BIN1: variants seen among roughly 807,000 people sequenced by gnomAD.
BIN1 encodes the protein bridging integrator 1, also known as myc box-dependent-interacting protein 1.
Under a neutral mutation model 82.0 loss-of-function variants are expected in BIN1, and 53 were observed. The ratio of observed to expected loss-of-function variants is 0.65; its 90% CI spans 0.52 to 0.81. The LOEUF is 0.81. Among genes scored for constraint, BIN1 ranks in the 40% least tolerant of loss-of-function variants. The pLI is 0.00. For missense variants in BIN1, 642 were observed against 784.4 expected (o/e 0.82, Z 2.17); for synonymous variants, 302 against 328.0 (o/e 0.92, Z 0.86).
intron 10 of BIN1, chr2:127,060,509 G>A (rs1168828314): frequency 1.9e-6 from 3 of 1,579,198 alleles, no homozygotes; most frequent in East Asian, 4.5e-5. Flanking sequence ...CGGGTTAGTG[G>A]CACCTGGGAG....
intron 1 of BIN1, among the ~76,000 whole-genome samples, chr2:127,097,528 G>C (rs932965915): frequency 8.5e-5 from 13 of 152,102 alleles, no homozygotes; most frequent in African/African-American, 3.1e-4. Flanking sequence ...CCCTTCCAGC[G>C]ACAGGTGTCA....
At chr2:127,060,636 T>C (rs1290719517) in intron 10 of BIN1, 3 of 1,614,098 alleles carry the variant, frequency 1.9e-6, no homozygotes, top group Non-Finnish European at 2.5e-6. Context: ...AGTTTACTTT[T>C]CTTTCTGTGG....
At chr2:127,055,056 C>A (rs77696070) in intron 12 of BIN1, 16,397 of 152,338 alleles carry the variant, frequency 0.11, 992 homozygotes, top group South Asian at 0.19. Context: ...GGGACGTGGC[C>A]GGGGTGCTCC....
At position 127,052,200 on chromosome 2, in the gene BIN1, C is replaced by T. The variant is rs1269481319; in HGVS notation, c.1371+55G>A. 4 of 1,515,208 alleles carry T rather than the reference C, an allele frequency of 2.6e-6. No homozygotes were observed. In the Admixed American group the frequency reaches 7.8e-5, roughly 30 times the overall value. The allele number at this position is 1,515,208 out of a possible 1,614,324, so 93.9% of individuals were successfully genotyped here. Reference sequence around the variant, plus strand: ...CCCTCCTCGGGGCTCTCCTTCCATGCTGCACCCCTAGAGACTGGGGACAAG... The same window carrying T: ...CCCTCCTCGGGGCTCTCCTTCCATGTTGCACCCCTAGAGACTGGGGACAAG... On this transcript the variant is annotated intron_variant, in intron 15 of 18. Coordinates refer to ENST00000316724, the MANE Select transcript of BIN1 (RefSeq NM_139343.3).
intron 1 of BIN1, among the ~76,000 whole-genome samples, chr2:127,106,637 C>T (rs1681166557): frequency 6.6e-6 from 1 of 152,178 alleles, no homozygotes; most frequent in African/African-American, 2.4e-5. Context: ...TGTCCTGCCC[C>T]GGCCGGGTGT....
At position 127,068,075 on chromosome 2, in the gene BIN1, T is replaced by A. The variant is rs1685371271; in HGVS notation, c.612+88A>T. The A allele has an allele frequency of 7.4e-7, 1 of 1,359,498 alleles. No homozygotes were observed. 84.2% of individuals were successfully genotyped at this position (1,359,498 alleles called of 1,614,324 possible). On this transcript the variant is annotated intron_variant, in intron 7 of 18. Transcript: ENST00000316724. The surrounding 1 kb of genome is among the most constrained non-coding windows in gnomAD (Gnocchi z 4.9). ...AAACCCTGCCCCAGCTGGGCTCAGA[T>A]GCCAGCCCTGCATTCCACCGCAGGG...
In BIN1 at chr2:127,090,375, G is replaced by A. The variant is rs565498062; in HGVS notation, c.85-13669C>T. Among the ~76,000 whole-genome samples, 2 of 152,364 alleles carry A rather than the reference G, an allele frequency of 1.3e-5. No individual in the cohort carries two copies. Among genetic ancestry groups the A allele is most frequent in the South Asian group, 4.1e-4 (2 of 4,830 alleles). ...CCCCGCAGGCAGGCAGCAAGGGCAT[G>A]GCCGCGGGGCATCAGTGACACAGGG... On this transcript the variant is annotated intron_variant, in intron 1 of 18. Coordinates refer to ENST00000316724, the MANE Select transcript of BIN1 (RefSeq NM_139343.3). This position sits in a 1 kb window ranked among gnomAD's most constrained non-coding sequence, Gnocchi z 6.4.
intron 1 of BIN1, among the ~76,000 whole-genome samples, chr2:127,081,032 A>C (rs1052719042): frequency 3.3e-5 from 5 of 152,180 alleles, no homozygotes; most frequent in Non-Finnish European, 5.9e-5. Flanking sequence ...GTCATGGCCC[A>C]GTGAGAGGGC....
chr2:127,058,921 G>T, intron 11 of BIN1, 90 bp downstream of exon 11: 1 of 1,523,554 alleles, frequency 6.6e-7, no homozygotes, highest in Non-Finnish European at 8.9e-7. Context: ...GCCAGAAAGG[G>T]GACAGAGGAG....
At chr2:127,054,095 A>G (rs1683327084) in intron 12 of BIN1, 83 bp from the exon 13 acceptor site, 3 of 1,162,184 alleles carry the variant, frequency 2.6e-6, no homozygotes, top group Admixed American at 4.0e-5. Context: ...CTGCAGGCAC[A>G]GGCACACGCG....
chr2:127,101,457 C>G (rs1416335680), intron 1 of BIN1, among the ~76,000 whole-genome samples: 2 of 152,172 alleles, frequency 1.3e-5, no homozygotes, highest in Non-Finnish European at 2.9e-5. Context: ...GCAGAAAGTC[C>G]TGAGGGCAGG....
chr2:127,069,122 G>T, intron 5 of BIN1, 91 bp from the exon 6 acceptor site: 1 of 1,234,302 alleles, frequency 8.1e-7, no homozygotes, highest in Non-Finnish European at 1.2e-6. Flanking sequence ...CGCAGGGCGG[G>T]CAGGAGACCC....
rs1398460564 is a variant in BIN1 at position 127,090,822 on chromosome 2, A to T, written c.85-14116T>A. Among the ~76,000 whole-genome samples the T allele has an allele frequency of 1.3e-5, 2 of 151,772 alleles. No homozygotes were observed. Among genetic ancestry groups the T allele is most frequent in the African/African-American group, 4.8e-5 (2 of 41,288 alleles). On this transcript the variant is annotated intron_variant, in intron 1 of 18. Coordinates refer to ENST00000316724, the MANE Select transcript of BIN1 (RefSeq NM_139343.3). This position sits in a 1 kb window ranked among gnomAD's most constrained non-coding sequence, Gnocchi z 6.4. Reference sequence around the variant, plus strand: ...AGGCAACAGCCACGGGTCGCCACACACTCCCACAGTCTTCATTAGGAAACT... The same window carrying T: ...AGGCAACAGCCACGGGTCGCCACACTCTCCCACAGTCTTCATTAGGAAACT...
intron 1 of BIN1, among the ~76,000 whole-genome samples, chr2:127,076,999 G>T (rs1321052881): frequency 6.6e-6 from 1 of 152,138 alleles, no homozygotes; most frequent in Non-Finnish European, 1.5e-5. Flanking sequence ...ATGGCAAGAA[G>T]GATCGGGCAC....
intron 10 of BIN1, 28 bp downstream of exon 10, chr2:127,062,087 G>C: frequency 6.3e-7 from 1 of 1,580,684 alleles, no homozygotes; most frequent in Non-Finnish European, 8.6e-7. Flanking sequence ...CACACAGTCA[G>C]GGGCGCCAGG....
rs112218805 is a variant in BIN1, at chr2:127,079,925, C to A, written c.85-3219G>T. Among the ~76,000 whole-genome samples, 5 of 152,346 alleles carry A rather than the reference C, an allele frequency of 3.3e-5. No homozygotes were observed. The East Asian group carries it at 9.6e-4, about 29-fold the overall frequency. On this transcript the variant is annotated intron_variant, in intron 1 of 18. Transcript: ENST00000316724. ...CTCAGCCCTGAGGGGTGACAGCAAGCCTGAGGCTGAGCCAGTCTCCCCACT... is the reference window on the plus strand; with the variant it reads ...CTCAGCCCTGAGGGGTGACAGCAAGACTGAGGCTGAGCCAGTCTCCCCACT...
Position 127,106,998 on chromosome 2 carries a change from C to A in BIN1, c.-55G>T, listed in dbSNP as rs977715706. The A allele has an allele frequency of 1.9e-6, 3 of 1,550,612 alleles. No individual in the cohort carries two copies. Among genetic ancestry groups the A allele is most frequent in the African/African-American group, 2.8e-5 (2 of 70,430 alleles). ...GCCGCTCTCGCGCGGGGAGATCTTGCGCGCCGCGCTCCCAGCCCCCAGCCC... is the reference window on the plus strand; with the variant it reads ...GCCGCTCTCGCGCGGGGAGATCTTGAGCGCCGCGCTCCCAGCCCCCAGCCC... On this transcript the variant is annotated 5_prime_UTR_variant, in exon 1 of 19. Coordinates refer to ENST00000316724, the MANE Select transcript of BIN1 (RefSeq NM_139343.3).
intron 1 of BIN1, among the ~76,000 whole-genome samples, chr2:127,099,596 C>T (rs946610154): frequency 6.6e-5 from 10 of 152,290 alleles, no homozygotes; most frequent in Non-Finnish European, 1.5e-4. Flanking sequence ...TCACTGCAAC[C>T]GCCGCCTCCC....
In BIN1 at chr2:127,107,013, G is replaced by T; in HGVS notation, c.-70C>A. The T allele has an allele frequency of 6.9e-7, 1 of 1,444,022 alleles. No individual in the cohort carries two copies. The highest frequency in any genetic ancestry group is 9.1e-7 in the Non-Finnish European group (1 of 1,097,708). 89.5% of individuals were successfully genotyped at this position (1,444,022 alleles called of 1,614,324 possible). A position where few individuals can be genotyped will look rare whatever the true frequency, so the allele number is the denominator to read the frequency against. Reference sequence around the variant, plus strand: ...GGAGATCTTGCGCGCCGCGCTCCCAGCCCCCAGCCCCGGCCGCGCGTCCAG... The same window carrying T: ...GGAGATCTTGCGCGCCGCGCTCCCATCCCCCAGCCCCGGCCGCGCGTCCAG... On this transcript the variant is annotated 5_prime_UTR_variant, in exon 1 of 19. In the 5' UTR this introduces an upstream ATG that the reference lacks. Coordinates refer to ENST00000316724, the MANE Select transcript of BIN1 (RefSeq NM_139343.3). The surrounding 1 kb of genome is among the most constrained non-coding windows in gnomAD (Gnocchi z 5.9).
Sources: allele counts gnomAD v4.1 joint callset (sites outside exome capture counted in the v4.1 genomes callset), GRCh38; gene constraint gnomAD v4.1.1; non-coding constraint Gnocchi (gnomAD v3.1); transcripts MANE v1.5; gene names NCBI Gene and HGNC (gene_info 2026-07-23, HGNC 2026-07-21).